Variants in SGCA observed in about 807,000 individuals in gnomAD.
SGCA encodes sarcoglycan alpha.
In SGCA, 34 loss-of-function variants were observed where a neutral mutation model predicts 38.1. The ratio of observed to expected loss-of-function variants is 0.89; its 90% confidence interval spans 0.68 to 1.19. SGCA has a LOEUF of 1.19. Among genes scored for constraint, SGCA ranks in the 50% most tolerant of loss-of-function variants. The probability of loss-of-function intolerance (pLI) is 0.00; values close to 1 mark genes in which losing one functional copy is unlikely to be tolerated. For synonymous variants in SGCA, 209 were observed against 214.6 expected (o/e 0.97, Z 0.23); for missense variants, 476 against 524.9 (o/e 0.91, Z 0.91).
intron 1 of SGCA, among the ~76,000 whole-genome samples, chr17:50,166,927 TCA>T (rs111636387): frequency 7.2e-5 from 3 of 41,936 alleles, no homozygotes; most frequent in East Asian, 8.0e-4. Flanking sequence ...ACACACACCT[TCA>T]CACACACACA....
chr17:50,166,757 C>T (rs190543300), intron 1 of SGCA, among the ~76,000 whole-genome samples: 3 of 113,290 alleles, frequency 2.6e-5, no homozygotes, highest in South Asian at 3.2e-4. Context: ...CCTCACACAC[C>T]CTCACACACA....
intron 8 of SGCA, among the ~76,000 whole-genome samples, chr17:50,174,797 G>C (rs1905788239): frequency 6.6e-6 from 1 of 152,068 alleles, no homozygotes; most frequent in Non-Finnish European, 1.5e-5. Context: ...AGGCACCATA[G>C]AGCTTTCTTT....
chr17:50,170,783 ACCCCTT>A, intron 8 of SGCA, 117 bp downstream of exon 8: 12 of 872,600 alleles, frequency 1.4e-5, no homozygotes, highest in Non-Finnish European at 1.9e-5. Flanking sequence ...GGTGATGCTC[ACCCCTT>A]CCCTTGACCT....
In SGCA at chr17:50,175,733, C is replaced by A; in HGVS notation, c.*34C>A. The A allele has an allele frequency of 5.0e-6, 3 of 605,356 alleles. No homozygotes were observed. The highest frequency in any genetic ancestry group is 6.2e-6 in the Non-Finnish European group (2 of 322,624). 37.5% of individuals were successfully genotyped at this position (605,356 alleles called of 1,614,324 possible). A position where few individuals can be genotyped will look rare whatever the true frequency, so the allele number is the denominator to read the frequency against. The stretch of plus-strand genomic sequence containing the variant: ...ACAGTGGTTCCAGGTCCAGCCCTGA[C>A]TTCATCCTCCCTTCTCTGTCCACAC... On this transcript the variant is annotated 3_prime_UTR_variant, in exon 10 of 10. Coordinates refer to ENST00000262018, the MANE Select transcript of SGCA (RefSeq NM_000023.4).
At chr17:50,166,690 TCA>T (rs1326055765) in intron 1 of SGCA, among the ~76,000 whole-genome samples, 1 of 112,190 alleles carries the variant, frequency 8.9e-6, no homozygotes, top group Non-Finnish European at 1.9e-5. Flanking sequence ...ACACACACCC[TCA>T]CACACACCCT....
In SGCA at chr17:50,169,016, T is replaced by C. The variant is rs1358136393; in HGVS notation, c.585-76T>C. On this transcript the variant is annotated intron_variant, in intron 5 of 9. Coordinates refer to ENST00000262018, the MANE Select transcript of SGCA (RefSeq NM_000023.4). ...GTCATAGCCTACAATTAGGAAAGTT[T>C]CAACAACCCCTGGCAGAGTGGTGCC... The C allele has an allele frequency of 2.8e-6, 4 of 1,420,654 alleles. No homozygotes were observed. The African/African-American group carries it at 5.6e-5, about 20-fold the overall frequency. The allele number at this position is 1,420,654 out of a possible 1,614,324, so 88.0% of individuals were successfully genotyped here.
At chr17:50,166,953 CCT>C (rs1904929806) in intron 1 of SGCA, among the ~76,000 whole-genome samples, 2 of 123,984 alleles carry the variant, frequency 1.6e-5, no homozygotes, top group South Asian at 5.7e-4. Context: ...TCACACACAC[CCT>C]CTCACACACA....
chr17:50,170,480 G>T, intron 7 of SGCA, 129 bp downstream of exon 7: 1 of 1,360,976 alleles, frequency 7.3e-7, no homozygotes. Context: ...AAGGAGTGTG[G>T]GGCCCCTTTC....
chr17:50,167,497 C>G lies in SGCA; in HGVS notation c.157+10C>G. 6.2e-7 allele frequency: 1 copy of G among 1,614,148 alleles called. No homozygotes were observed. Among genetic ancestry groups the G allele is most frequent in the Non-Finnish European group, 8.5e-7 (1 of 1,180,010 alleles). On this transcript the variant is annotated intron_variant, in intron 2 of 9. Coordinates refer to ENST00000262018, the MANE Select transcript of SGCA (RefSeq NM_000023.4). This position sits in a 1 kb window ranked among gnomAD's most constrained non-coding sequence, Gnocchi z 4.5. The stretch of plus-strand genomic sequence containing the variant: ...CTTCCTGAGCATGTCGGTGAGCGGC[C>G]TGACAGGCACCCAGGCGGGCGGGCT...
At chr17:50,166,219 G>A (rs1904791320) in intron 1 of SGCA, 142 bp downstream of exon 1, 1 of 719,624 alleles carries the variant, frequency 1.4e-6, no homozygotes, top group East Asian at 2.5e-5. Flanking sequence ...GGGTGTTAAT[G>A]CCATGGCCAG....
At chr17:50,170,535 G>A (rs1049191233) in intron 7 of SGCA, 105 bp from the exon 8 acceptor site, 8 of 1,397,438 alleles carry the variant, frequency 5.7e-6, no homozygotes, top group Non-Finnish European at 8.0e-6. Flanking sequence ...GCACCAGGAG[G>A]GCATTGTGGA....
chr17:50,166,193 C>T (rs369733225), intron 1 of SGCA, 116 bp downstream of exon 1: 56 of 858,624 alleles, frequency 6.5e-5, no homozygotes, highest in African/African-American at 2.0e-4. Context: ...GTGAGGCAGG[C>T]GCCAGAAGGG....
chr17:50,168,801 G>A lies in SGCA; in HGVS notation c.584+229G>A, dbSNP rs16948744. Among the ~76,000 whole-genome samples, 60,990 of 151,486 alleles carry A rather than the reference G, an allele frequency of 0.4. 12,681 individuals carry two copies. Among genetic ancestry groups the A allele is most frequent in the East Asian group, 0.54 (2,750 of 5,092 alleles). On this transcript the variant is annotated intron_variant, in intron 5 of 9. Transcript: ENST00000262018. ...GTACTTCCTGGTGCCTCATGAGGACGTACCAGATACATCCATTAAAAGACA... is the reference window on the plus strand; with the variant it reads ...GTACTTCCTGGTGCCTCATGAGGACATACCAGATACATCCATTAAAAGACA...
In SGCA at chr17:50,169,306, A is replaced by G. The variant is rs752037390; in HGVS notation, c.747+52A>G. ...TGGGGTGGGGCATGGCCCCCATCCC[A>G]GTCCCCCTTCCCTCCCATGCTGCTT... On this transcript the variant is annotated intron_variant, in intron 6 of 9. Coordinates refer to ENST00000262018, the MANE Select transcript of SGCA (RefSeq NM_000023.4). The G allele has an allele frequency of 5.3e-6, 8 of 1,501,838 alleles. No homozygotes were observed. The African/African-American group carries it at 8.3e-5, about 16-fold the overall frequency. The allele number at this position is 1,501,838 out of a possible 1,614,324, so 93.0% of individuals were successfully genotyped here.
Position 50,168,462 on chromosome 17 carries a change from C to G in SGCA, c.474C>G (p.Leu158=), listed in dbSNP as rs2144496728. 1 of 1,585,960 alleles carries G rather than the reference C, an allele frequency of 6.3e-7. No individual in the cohort carries two copies. Among genetic ancestry groups the G allele is most frequent in the Non-Finnish European group, 8.6e-7 (1 of 1,165,854 alleles). The change falls in exon 5 of 10, where the codon CTC becomes CTG. Residue 158 remains leucine, a synonymous_variant. Coordinates refer to ENST00000262018, the MANE Select transcript of SGCA (RefSeq NM_000023.4). ...CCTCAACACCTGCCAGCCGCTTCCT[C>G]TCAGCCTTGGGGGGACTCTGGGAGC... is the stretch of plus-strand genomic sequence containing the variant. ...VLPSTPASRF[L]SALGGLWEPG...
At chr17:50,170,083 C>T in intron 6 of SGCA, 60 bp from the exon 7 acceptor site, 1 of 1,454,690 alleles carries the variant, frequency 6.9e-7, no homozygotes, top group Non-Finnish European at 9.6e-7. Flanking sequence ...CTGCCATGTT[C>T]CTGGGGACCT....
In SGCA at chr17:50,170,432, G is replaced by A. The variant is rs1905283508; in HGVS notation, c.956+81G>A. 5 of 1,447,162 alleles carry A rather than the reference G, an allele frequency of 3.5e-6. No individual in the cohort carries two copies. In the Admixed American group the frequency reaches 8.6e-5, roughly 25 times the overall value. 89.6% of individuals were successfully genotyped at this position (1,447,162 alleles called of 1,614,324 possible). On this transcript the variant is annotated intron_variant, in intron 7 of 9. Transcript: ENST00000262018. The stretch of plus-strand genomic sequence containing the variant: ...CTCACAGTGGCACTTGTGCTGTATG[G>A]GACCCAGACACCATGGGAATGGGGT...
chr17:50,168,939 A>G (rs893477110), intron 5 of SGCA, among the ~76,000 whole-genome samples, 153 bp from the exon 6 acceptor site: 6 of 152,030 alleles, frequency 3.9e-5, no homozygotes, highest in South Asian at 2.1e-4. Flanking sequence ...CAGCTGTGCC[A>G]TGTTCCTCCC....
intron 8 of SGCA, among the ~76,000 whole-genome samples, chr17:50,172,719 C>T (rs1905557440): frequency 6.6e-6 from 1 of 152,208 alleles, no homozygotes; most frequent in South Asian, 2.1e-4. Flanking sequence ...TTGAAGAATA[C>T]AAGCTTTGCA....
Sources: gnomAD v4.1 joint callset for allele counts (sites outside exome capture counted in the v4.1 genomes callset) on GRCh38, gnomAD v4.1.1 for gene constraint, Gnocchi (gnomAD v3.1) non-coding constraint, MANE v1.5 for transcripts, NCBI Gene and HGNC (gene_info 2026-07-23, HGNC 2026-07-21) for gene names.